Variants in CHST8 observed in about 807,000 individuals in gnomAD.
CHST8 encodes GALNAC-4-ST1.
CHST8 carries 10 observed loss-of-function variants against 15.0 expected under a neutral mutation model. The ratio of observed to expected loss-of-function variants is 0.67; its 90% CI spans 0.41 to 1.13. The LOEUF is 1.13. Ranked by LOEUF, CHST8 falls within the 50% of genes most tolerant of loss-of-function variation. The pLI, the probability that CHST8 is intolerant of heterozygous loss-of-function variation, is 0.00. For missense variants in CHST8, 634 were observed against 608.2 expected (o/e 1.04, Z -0.45); for synonymous variants, 259 against 256.6 (o/e 1.01, Z -0.09).
chr19:33,740,737 T>A (rs1199774806), intron 3 of CHST8, among the ~76,000 whole-genome samples: 2 of 152,166 alleles, frequency 1.3e-5, no homozygotes, highest in Non-Finnish European at 2.9e-5. Context: ...TATTTATCTT[T>A]CCATCAGCCC....
chr19:33,735,742 A>G (rs1423489738), intron 3 of CHST8, among the ~76,000 whole-genome samples: 1 of 152,204 alleles, frequency 6.6e-6, no homozygotes, highest in East Asian at 1.9e-4. Flanking sequence ...CAGGAGAATC[A>G]TTTGAACCCG....
intron 1 of CHST8, among the ~76,000 whole-genome samples, chr19:33,662,609 G>A (rs537740681): frequency 1.4e-4 from 22 of 152,268 alleles, no homozygotes; most frequent in African/African-American, 4.6e-4. Context: ...ATTGACCAGC[G>A]CATGGTGAGT....
chr19:33,643,378 C>T (rs1972308206), intron 1 of CHST8, among the ~76,000 whole-genome samples: 1 of 152,146 alleles, frequency 6.6e-6, no homozygotes, highest in East Asian at 1.9e-4. Flanking sequence ...AAAAAAAAGG[C>T]TTTTAACAAA....
At chr19:33,746,333 C>T (rs1370413503) in intron 3 of CHST8, among the ~76,000 whole-genome samples, 1 of 152,144 alleles carries the variant, frequency 6.6e-6, no homozygotes, top group Non-Finnish European at 1.5e-5. Flanking sequence ...AACATTCCCT[C>T]GTGTTCCTGC....
intron 1 of CHST8, among the ~76,000 whole-genome samples, chr19:33,626,783 C>CT (rs373066494): frequency 0.41 from 54,192 of 133,396 alleles, 11,436 homozygotes; most frequent in Non-Finnish European, 0.46. Context: ...TTTTTTTTTC[C>CT]TTTTTTTTTT....
chr19:33,772,968 C>G lies in CHST8; in HGVS notation c.1180C>G (p.Gln394Glu). The G allele has an allele frequency of 6.2e-7, 1 of 1,613,618 alleles. No individual in the cohort carries two copies. The highest frequency in any genetic ancestry group is 8.5e-7 in the Non-Finnish European group (1 of 1,180,024). ...TARIAHQYFA[Q>E]LSALQRQRTY... ...GAGGATCGCCCACCAGTACTTCGCC[C>G]AACTCTCGGCCCTGCAAAGGCAGCG... The change falls in exon 5 of 5, where the codon CAA becomes GAA. Residue 394 changes from glutamine to glutamate, a missense_variant. Physicochemically the swap from Gln to Glu is conservative, Grantham distance 29. Coordinates refer to ENST00000650847, the MANE Select transcript of CHST8 (RefSeq NM_001127895.2).
intron 3 of CHST8, among the ~76,000 whole-genome samples, chr19:33,702,978 C>T (rs1490960358): frequency 6.6e-6 from 1 of 152,216 alleles, no homozygotes; most frequent in East Asian, 1.9e-4. Context: ...CTTCTTTTCC[C>T]TCCTCCTGTG....
At chr19:33,683,394 C>T (rs1481822379) in intron 2 of CHST8, among the ~76,000 whole-genome samples, 3 of 152,230 alleles carry the variant, frequency 2.0e-5, no homozygotes. Flanking sequence ...ATCTGTCATA[C>T]TGACATGAGG....
chr19:33,650,285 G>A (rs1000646165), intron 1 of CHST8, among the ~76,000 whole-genome samples: 1 of 152,050 alleles, frequency 6.6e-6, no homozygotes, highest in Non-Finnish European at 1.5e-5. Context: ...CCAAGAGGGG[G>A]ACTGTTTATT....
At chr19:33,699,280 C>T (rs958858881) in intron 3 of CHST8, among the ~76,000 whole-genome samples, 6 of 152,116 alleles carry the variant, frequency 3.9e-5, no homozygotes, top group South Asian at 2.1e-4. Context: ...GCTCTGCTCT[C>T]GGGAGCTCAC....
intron 3 of CHST8, among the ~76,000 whole-genome samples, chr19:33,733,703 C>G (rs1421615936): frequency 6.6e-6 from 1 of 152,196 alleles, no homozygotes; most frequent in Non-Finnish European, 1.5e-5. Flanking sequence ...ATCCTAAACC[C>G]CCTCTCTGCA....
At chr19:33,624,240 G>A (rs1178488683) in intron 1 of CHST8, among the ~76,000 whole-genome samples, 4 of 152,224 alleles carry the variant, frequency 2.6e-5, no homozygotes, top group Non-Finnish European at 5.9e-5. Flanking sequence ...CAGGCAGCGT[G>A]GGGGCTCATT....
rs186164325 is a variant in CHST8 at position 33,689,163 on chromosome 19, C to G, written c.-86-13C>G. ...CGCGCCTCGGTGATGACTATCCCTC[C>G]TCTGCCCCGTAGATCTCGGCCTGAT... On this transcript the variant is annotated splice_polypyrimidine_tract_variant and intron_variant, in intron 2 of 4. Coordinates refer to ENST00000650847, the MANE Select transcript of CHST8 (RefSeq NM_001127895.2). 4.0e-4 allele frequency: 570 copies of G among 1,407,820 alleles called. 3 individuals are homozygous for G. The African/African-American group carries it at 7.7e-3, about 19-fold the overall frequency. The allele number at this position is 1,407,820 out of a possible 1,614,324, so 87.2% of individuals were successfully genotyped here.
chr19:33,726,286 C>T (rs1973896890), intron 3 of CHST8, among the ~76,000 whole-genome samples: 1 of 152,178 alleles, frequency 6.6e-6, no homozygotes, highest in South Asian at 2.1e-4. Flanking sequence ...ATCAGCTGGT[C>T]ACATTGGCTC....
intron 1 of CHST8, among the ~76,000 whole-genome samples, chr19:33,638,167 A>G (rs925222293): frequency 1.3e-5 from 2 of 152,140 alleles, no homozygotes; most frequent in Non-Finnish European, 2.9e-5. Context: ...AGTGTTTAAC[A>G]ATAAAAATTA....
At position 33,623,139 on chromosome 19, in the gene CHST8, T is replaced by C. The variant is rs777575116; in HGVS notation, c.-164+843T>C. Among the ~76,000 whole-genome samples the C allele has an allele frequency of 6.1e-4, 92 of 152,014 alleles. 2 individuals carry two copies. Among genetic ancestry groups the C allele is most frequent in the Non-Finnish European group, 1.6e-4 (11 of 68,004 alleles). ...CCCGATTCCTTCTCCAGTGCGGGAC[T>C]CCCGCCGCCCTAACTTTCGCGTACA... On this transcript the variant is annotated intron_variant, in intron 1 of 4. Transcript: ENST00000650847.
intron 1 of CHST8, among the ~76,000 whole-genome samples, chr19:33,629,122 T>C (rs1363629632): frequency 6.6e-6 from 1 of 152,204 alleles, no homozygotes; most frequent in South Asian, 2.1e-4. Context: ...GCCAGACCCA[T>C]GGTCCTGGCC....
chr19:33,627,108 G>C (rs1019994473), intron 1 of CHST8, among the ~76,000 whole-genome samples: 4 of 109,114 alleles, frequency 3.7e-5, no homozygotes, highest in African/African-American at 1.4e-4. Flanking sequence ...TGGGGGGGGG[G>C]CGGGTGGGGT....
chr19:33,648,675 T>A (rs1293100537), intron 1 of CHST8, among the ~76,000 whole-genome samples: 1 of 152,084 alleles, frequency 6.6e-6, no homozygotes, highest in Admixed American at 6.6e-5. Flanking sequence ...AAGCATAGAT[T>A]TACCAAATGG....
Sources: gnomAD v4.1 joint callset for allele counts (sites outside exome capture counted in the v4.1 genomes callset) on GRCh38, gnomAD v4.1.1 for gene constraint, MANE v1.5 for transcripts, NCBI Gene and HGNC (gene_info 2026-07-23, HGNC 2026-07-21) for gene names.